ESRRG: variants seen among roughly 807,000 people sequenced by gnomAD.
The protein encoded by ESRRG is estrogen related receptor gamma.
ESRRG carries 13 observed loss-of-function variants against 44.0 expected under a neutral mutation model. The observed-to-expected ratio is 0.30, with a 90% CI of 0.19 to 0.47. ESRRG has a LOEUF of 0.47. Ranked by LOEUF, ESRRG falls within the 20% of genes least tolerant of loss-of-function variation. ESRRG has a pLI of 1.00. For synonymous variants in ESRRG, 215 were observed against 214.6 expected (o/e 1.00, Z -0.02); for missense variants, 395 against 580.6 (o/e 0.68, Z 3.29).
intron 2 of ESRRG, among the ~76,000 whole-genome samples, chr1:216,757,392 C>T (rs11572640): frequency 3.3e-5 from 5 of 152,148 alleles, no homozygotes; most frequent in Admixed American, 2.6e-4. Flanking sequence ...AACAAACCAT[C>T]TCTATAATAA....
chr1:217,093,468 A>T, upstream of ESRRG, among the ~76,000 whole-genome samples: 1 of 151,202 alleles, frequency 6.6e-6, no homozygotes, highest in Non-Finnish European at 1.5e-5. Context: ...CAGCTCAGGA[A>T]AAAAAAAATC....
chr1:216,742,947 G>C (rs1409900649), intron 2 of ESRRG, among the ~76,000 whole-genome samples: 1 of 152,132 alleles, frequency 6.6e-6, no homozygotes, highest in African/African-American at 2.4e-5. Context: ...AATGAGTGTA[G>C]CATTGAATGA....
At chr1:216,553,372 C>T (rs1417017817) in intron 5 of ESRRG, among the ~76,000 whole-genome samples, 1 of 152,122 alleles carries the variant, frequency 6.6e-6, no homozygotes, top group Non-Finnish European at 1.5e-5. Flanking sequence ...TTTAATTGGG[C>T]TCAGATGATT....
In ESRRG at chr1:217,004,846, T is replaced by C. The variant is rs145558047; in HGVS notation, c.-105-65173A>G. Reference sequence around the variant, plus strand: ...AATCTAGCTGCCATGATAAATGGTATATCACTTTGAAATCACGGGACTAAA... The same window carrying C: ...AATCTAGCTGCCATGATAAATGGTACATCACTTTGAAATCACGGGACTAAA... On this transcript the variant is annotated intron_variant, in intron 1 of 7. Coordinates refer to the ESRRG transcript ENST00000359162. Among the ~76,000 whole-genome samples the C allele has an allele frequency of 7.1e-3, 1,081 of 152,328 alleles. 12 individuals carry two copies. The highest frequency in any genetic ancestry group is 0.025 in the African/African-American group (1,035 of 41,574).
In ESRRG at chr1:216,896,514, T is replaced by C. The variant is rs180687101; in HGVS notation, c.-14+43068A>G. On this transcript the variant is annotated intron_variant, in intron 2 of 7. Coordinates refer to the ESRRG transcript ENST00000359162. ...GTTAGGGGGAGCTGCAAACTAGAGATAGGCAATGAAAAGGTTAGAAATGAT... is the reference window on the plus strand; with the variant it reads ...GTTAGGGGGAGCTGCAAACTAGAGACAGGCAATGAAAAGGTTAGAAATGAT... Among the ~76,000 whole-genome samples, 160 of 152,224 alleles carry C rather than the reference T, an allele frequency of 1.1e-3. 1 individual carries two copies. Among genetic ancestry groups the C allele is most frequent in the South Asian group, 1.9e-3 (9 of 4,822 alleles).
At chr1:216,611,634 T>C (rs1053415486) in intron 3 of ESRRG, among the ~76,000 whole-genome samples, 4 of 152,112 alleles carry the variant, frequency 2.6e-5, no homozygotes, top group Non-Finnish European at 4.4e-5. Context: ...AAACTGGGTT[T>C]AGAGGCAGTG....
At chr1:217,005,405 A>C (rs2077599886) in intron 1 of ESRRG, among the ~76,000 whole-genome samples, 2 of 152,156 alleles carry the variant, frequency 1.3e-5, no homozygotes, top group African/African-American at 4.8e-5. Flanking sequence ...AGGTTTGCCC[A>C]TGACAACTAC....
At chr1:216,510,163 C>A (rs757474973) in intron 6 of ESRRG, among the ~76,000 whole-genome samples, 1 of 152,018 alleles carries the variant, frequency 6.6e-6, no homozygotes, top group Non-Finnish European at 1.5e-5. Flanking sequence ...GATACTGGGC[C>A]CAAGTCTAGA....
intron 2 of ESRRG, among the ~76,000 whole-genome samples, chr1:216,795,990 A>G (rs1224075569): frequency 6.6e-6 from 1 of 152,162 alleles, no homozygotes; most frequent in East Asian, 1.9e-4. Context: ...ATCATGGGGC[A>G]TTGCATATCA....
intron 3 of ESRRG, among the ~76,000 whole-genome samples, chr1:216,635,525 T>C (rs888171272): frequency 6.6e-6 from 1 of 152,208 alleles, no homozygotes; most frequent in African/African-American, 2.4e-5. Flanking sequence ...CAAAAGTAAC[T>C]GTAGATGCCT....
intron 3 of ESRRG, among the ~76,000 whole-genome samples, chr1:216,581,306 A>G (rs1323051986): frequency 1.3e-5 from 2 of 152,210 alleles, no homozygotes; most frequent in Non-Finnish European, 2.9e-5. Context: ...CACATTATGT[A>G]TAGATATATA....
intron 2 of ESRRG, among the ~76,000 whole-genome samples, chr1:216,772,913 G>GA (rs1430375223): frequency 1.3e-5 from 2 of 151,880 alleles, no homozygotes; most frequent in African/African-American, 2.4e-5. Flanking sequence ...ATCTTTGGGG[G>GA]AAAAATCAGA....
intron 1 of ESRRG, among the ~76,000 whole-genome samples, chr1:217,030,242 C>G (rs1460081861): frequency 6.6e-6 from 1 of 152,148 alleles, no homozygotes; most frequent in African/African-American, 2.4e-5. Flanking sequence ...CTTCACTCTT[C>G]TCTGTGGCCA....
chr1:216,687,026 CGTGTGT>C (rs143144178), intron 1 of ESRRG, among the ~76,000 whole-genome samples: 1 of 149,140 alleles, frequency 6.7e-6, no homozygotes, highest in Non-Finnish European at 1.5e-5. Flanking sequence ...TGGCAGGGCC[CGTGTGT>C]GTGTGTGTGT....
chr1:217,056,986 C>T (rs1376227697), intron 1 of ESRRG, among the ~76,000 whole-genome samples: 1 of 152,046 alleles, frequency 6.6e-6, no homozygotes, highest in Non-Finnish European at 1.5e-5. Flanking sequence ...GGGGTTTTAT[C>T]CTCTTTACCA....
intron 1 of ESRRG, among the ~76,000 whole-genome samples, chr1:216,989,666 C>T (rs955125921): frequency 3.9e-5 from 6 of 152,098 alleles, no homozygotes; most frequent in East Asian, 1.9e-4. Flanking sequence ...TATTCACCTA[C>T]GTCAATCAGC....
intron 2 of ESRRG, among the ~76,000 whole-genome samples, chr1:216,887,124 C>T (rs558504626): frequency 1.3e-4 from 20 of 152,192 alleles, no homozygotes; most frequent in African/African-American, 3.4e-4. Context: ...GATTTAAAAC[C>T]GATCGTCCAA....
chr1:216,723,379 A>T lies in ESRRG; in HGVS notation c.-80T>A. On this transcript the variant is annotated 5_prime_UTR_variant, in exon 1 of 7. Transcript: ENST00000408911. The stretch of plus-strand genomic sequence containing the variant: ...ACAGAGCACAGTGCAATTAACACAA[A>T]TGTTCTCCTAGTGACAAGCCTATAG... 1.5e-6 allele frequency: 2 copies of T among 1,342,578 alleles called. No homozygotes were observed. Among genetic ancestry groups the T allele is most frequent in the Non-Finnish European group, 2.1e-6 (2 of 935,060 alleles). 83.2% of individuals were successfully genotyped at this position (1,342,578 alleles called of 1,614,324 possible).
chr1:216,552,199 A>C (rs975037934), intron 5 of ESRRG, among the ~76,000 whole-genome samples: 11 of 152,288 alleles, frequency 7.2e-5, no homozygotes, highest in African/African-American at 2.6e-4. Context: ...CATATAAATC[A>C]TGTATATCTA....
Sources: gnomAD v4.1 joint callset for allele counts (sites outside exome capture counted in the v4.1 genomes callset) on GRCh38, gnomAD v4.1.1 for gene constraint, MANE v1.5 for transcripts, NCBI Gene and HGNC (gene_info 2026-07-23, HGNC 2026-07-21) for gene names.